Variants in SAMD12 observed in about 807,000 individuals in gnomAD.
SAMD12 encodes the protein sterile alpha motif domain-containing protein 12.
Under a neutral mutation model 15.0 loss-of-function variants are expected in SAMD12, and 9 were observed. The ratio of observed to expected loss-of-function variants is 0.60; its 90% CI spans 0.36 to 1.05. The LOEUF (loss-of-function observed/expected upper bound fraction) is 1.05, where lower values mean the gene tolerates loss of function less well. Among genes scored for constraint, SAMD12 ranks in the 50% least tolerant of loss-of-function variants. The pLI, the probability that SAMD12 is intolerant of heterozygous loss-of-function variation, is 0.01. For missense variants in SAMD12, 230 were observed against 234.2 expected, an observed-to-expected ratio of 0.98 and a Z score of 0.12; for synonymous variants, 86 against 90.1, an observed-to-expected ratio of 0.96 and a Z score of 0.25.
intron 3 of SAMD12, among the ~76,000 whole-genome samples, chr8:118,391,967 T>A (rs1205076147): frequency 1.3e-5 from 2 of 151,688 alleles, no homozygotes; most frequent in African/African-American, 4.8e-5. Context: ...GGTCTTGGGT[T>A]TGGAGTTGAA....
intron 4 of SAMD12, among the ~76,000 whole-genome samples, chr8:118,321,144 A>AATAAATAAATAAATATAT (rs57107358): frequency 6.3e-5 from 6 of 94,500 alleles, no homozygotes; most frequent in Admixed American, 2.5e-4. Context: ...ATAGATAATA[A>AATAAATAAATAAATATAT]ATATATATAT....
intron 3 of SAMD12, chr8:118,400,478 A>G (rs1425041708): frequency 1.3e-5 from 2 of 152,200 alleles, no homozygotes; most frequent in African/African-American, 4.8e-5. Flanking sequence ...AGAGTAATTC[A>G]CTGATCTCTC....
intron 3 of SAMD12, among the ~76,000 whole-genome samples, chr8:118,430,829 C>CT (rs1350749411): frequency 1.9e-4 from 29 of 152,206 alleles, no homozygotes; most frequent in Non-Finnish European, 2.9e-4. Flanking sequence ...TATAGTTAGG[C>CT]TTTTTTTGCC....
At chr8:118,331,828 C>T (rs912461270) in intron 4 of SAMD12, among the ~76,000 whole-genome samples, 2 of 152,130 alleles carry the variant, frequency 1.3e-5, no homozygotes, top group East Asian at 1.9e-4. Context: ...AGGTGGTATT[C>T]GTGGGAAGCT....
At chr8:118,480,505 T>A (rs1261772982) in intron 2 of SAMD12, among the ~76,000 whole-genome samples, 1 of 152,222 alleles carries the variant, frequency 6.6e-6, no homozygotes, top group African/African-American at 2.4e-5. Flanking sequence ...GGCACTATGT[T>A]TGGACCCAGT....
intron 4 of SAMD12, among the ~76,000 whole-genome samples, chr8:118,261,203 C>T (rs1213881011): frequency 6.6e-6 from 1 of 152,074 alleles, no homozygotes; most frequent in Non-Finnish European, 1.5e-5. Context: ...CTAAATACAG[C>T]ACCACTTATT....
At chr8:118,249,287 A>T (rs190986423) in intron 4 of SAMD12, among the ~76,000 whole-genome samples, 165 of 152,242 alleles carry the variant, frequency 1.1e-3, no homozygotes, top group African/African-American at 3.8e-3. Context: ...GCTCATTGTG[A>T]TCCTTATATT....
chr8:118,373,171 T>C (rs1819195913), downstream of SAMD12, among the ~76,000 whole-genome samples: 1 of 152,094 alleles, frequency 6.6e-6, no homozygotes, highest in African/African-American at 2.4e-5. Flanking sequence ...TATACCTTAA[T>C]AAAAACAATG....
chr8:118,583,952 G>A (rs1360272554), intron 1 of SAMD12, among the ~76,000 whole-genome samples: 1 of 152,126 alleles, frequency 6.6e-6, no homozygotes, highest in Non-Finnish European at 1.5e-5. Flanking sequence ...CCAGGACCTG[G>A]CACATAAGAG....
intron 2 of SAMD12, among the ~76,000 whole-genome samples, chr8:118,548,232 T>C (rs182402258): frequency 2.6e-5 from 4 of 152,284 alleles, no homozygotes; most frequent in African/African-American, 9.6e-5. Flanking sequence ...AGCAAATATG[T>C]TCACGATATT....
intron 4 of SAMD12, among the ~76,000 whole-genome samples, chr8:118,245,376 C>T (rs1295360170): frequency 1.3e-5 from 2 of 152,012 alleles, no homozygotes; most frequent in African/African-American, 4.8e-5. Flanking sequence ...TTAGGCCTAC[C>T]GGTAATATAG....
intron 4 of SAMD12, among the ~76,000 whole-genome samples, chr8:118,220,790 A>T (rs1812066713): frequency 2.0e-5 from 3 of 152,216 alleles, no homozygotes; most frequent in Non-Finnish European, 4.4e-5. Context: ...AATAAAAAAC[A>T]AACACATCAA....
intron 4 of SAMD12, among the ~76,000 whole-genome samples, chr8:118,263,276 T>C (rs1813122457): frequency 6.6e-6 from 1 of 152,138 alleles, no homozygotes; most frequent in African/African-American, 2.4e-5. Flanking sequence ...AATGTTCATT[T>C]TAATCCTTAT....
At chr8:118,132,991 TATATA>T in the SAMD12 span, among the ~76,000 whole-genome samples, 17 of 78,614 alleles carry the variant, frequency 2.2e-4, no homozygotes, top group Admixed American at 4.4e-4. Flanking sequence ...TATATATATA[TATATA>T]TATATATATA....
At position 118,367,056 on chromosome 8, in the gene SAMD12, T is replaced by G. The variant is rs529008380; in HGVS notation, c.433+12504A>C. Reference sequence around the variant, plus strand: ...ACTTTAGAGTCCATTCACAGTGTAGTCTATGCACATGGTACCTTCTAGAAT... The same window carrying G: ...ACTTTAGAGTCCATTCACAGTGTAGGCTATGCACATGGTACCTTCTAGAAT... On this transcript the variant is annotated intron_variant, in intron 4 of 4. Coordinates refer to the SAMD12 transcript ENST00000409003. 9.3e-4 allele frequency among the ~76,000 whole-genome samples: 141 copies of G among 152,032 alleles called. 1 individual carries two copies. The highest frequency in any genetic ancestry group is 1.8e-3 in the Non-Finnish European group (119 of 67,930).
intron 2 of SAMD12, among the ~76,000 whole-genome samples, chr8:118,458,386 C>CCTT (rs760508040): frequency 9.2e-5 from 14 of 152,148 alleles, no homozygotes; most frequent in Non-Finnish European, 1.5e-4. Context: ...AGCCATTTGA[C>CCTT]CTTCTGAACA....
chr8:118,271,094 T>C (rs1813345317), intron 4 of SAMD12, among the ~76,000 whole-genome samples: 1 of 152,030 alleles, frequency 6.6e-6, no homozygotes. Flanking sequence ...TAAGAGGGGG[T>C]ATATTAGTCC....
chr8:118,495,236 A>G (rs1296328748), intron 2 of SAMD12, among the ~76,000 whole-genome samples: 1 of 152,204 alleles, frequency 6.6e-6, no homozygotes, highest in African/African-American at 2.4e-5. Context: ...CATGGGACAT[A>G]TGCCCCTGTC....
chr8:118,531,518 C>A (rs2131120040), intron 2 of SAMD12, among the ~76,000 whole-genome samples: 1 of 152,272 alleles, frequency 6.6e-6, no homozygotes, highest in East Asian at 1.9e-4. Flanking sequence ...TTACCTTGGG[C>A]AGTATGGCCA....
Sources: allele counts gnomAD v4.1 joint callset (sites outside exome capture counted in the v4.1 genomes callset), GRCh38; gene constraint gnomAD v4.1.1; transcripts MANE v1.5; gene names NCBI Gene and HGNC (gene_info 2026-07-23, HGNC 2026-07-21).